Variants in AGPAT5 observed in about 807,000 individuals in gnomAD.
The protein encoded by AGPAT5 is 1-acylglycerol-3-phosphate O-acyltransferase 5.
Under a neutral mutation model 45.6 loss-of-function variants are expected in AGPAT5, and 46 were observed. The observed-to-expected ratio is 1.01, with a 90% CI of 0.80 to 1.29. AGPAT5 has a LOEUF of 1.29. Ranked by LOEUF, AGPAT5 falls within the 50% of genes most tolerant of loss-of-function variation. AGPAT5 has a pLI of 0.00. For missense variants in AGPAT5, 673 were observed against 450.7 expected, an observed-to-expected ratio of 1.49 and a Z score of -4.47; for synonymous variants, 272 against 167.0, an observed-to-expected ratio of 1.63 and a Z score of -4.85.
chr8:6,744,400 A>G (rs1291905275), intron 5 of AGPAT5, among the ~76,000 whole-genome samples: 2 of 152,234 alleles, frequency 1.3e-5, no homozygotes, highest in African/African-American at 4.8e-5. Flanking sequence ...AGGCAGGGCC[A>G]CAAACTTGGT....
At chr8:6,748,341 C>T (rs370827094) in intron 6 of AGPAT5, among the ~76,000 whole-genome samples, 1 of 151,918 alleles carries the variant, frequency 6.6e-6, no homozygotes, top group African/African-American at 2.4e-5. Flanking sequence ...TTTAAGTGAG[C>T]AGGATAACTT....
chr8:6,722,449 C>G (rs79033653), intron 1 of AGPAT5, among the ~76,000 whole-genome samples: 20 of 152,174 alleles, frequency 1.3e-4, no homozygotes, highest in African/African-American at 4.6e-4. Flanking sequence ...GACAAATGGA[C>G]ATGATTGAGA....
At chr8:6,731,465 A>G (rs1210142890) in intron 3 of AGPAT5, among the ~76,000 whole-genome samples, 7 of 152,154 alleles carry the variant, frequency 4.6e-5, no homozygotes, top group African/African-American at 1.7e-4. Flanking sequence ...TATCTAATAC[A>G]TTATAAATGC....
At chr8:6,710,261 C>T (rs1042280438) in intron 1 of AGPAT5, among the ~76,000 whole-genome samples, 17 of 152,146 alleles carry the variant, frequency 1.1e-4, no homozygotes, top group African/African-American at 2.2e-4. Context: ...TAAAACCTAG[C>T]AGTGTTTCTG....
At position 6,757,530 on chromosome 8, in the gene AGPAT5, C is replaced by T. The variant is rs913426759; in HGVS notation, c.*142C>T. On this transcript the variant is annotated 3_prime_UTR_variant, in exon 8 of 8. Transcript: ENST00000285518. Reference sequence around the variant, plus strand: ...GAAGATTGGATAATAGAATTTGTGACGAAAGCTGATATGCAATGGTCTTGG... The same window carrying T: ...GAAGATTGGATAATAGAATTTGTGATGAAAGCTGATATGCAATGGTCTTGG... 1.2e-4 allele frequency: 84 copies of T among 689,138 alleles called. No individual in the cohort carries two copies. Among genetic ancestry groups the T allele is most frequent in the Non-Finnish European group, 1.8e-4 (76 of 414,132 alleles). The allele number at this position is 689,138 out of a possible 1,614,324, so 42.7% of individuals were successfully genotyped here. A position where few individuals can be genotyped will look rare whatever the true frequency, so the allele number is the denominator to read the frequency against.
Position 6,714,087 on chromosome 8 carries a change from T to TA in AGPAT5, c.219+5200_219+5201insA, listed in dbSNP as rs1240123665. ...CTAGTCTACTCCCTTTTATGACACTTCTACATTCTTTCTGCACTTCTGCCA... is the reference window on the plus strand; with the variant it reads ...CTAGTCTACTCCCTTTTATGACACTTACTACATTCTTTCTGCACTTCTGCCA... On this transcript the variant is annotated intron_variant, in intron 1 of 7. Transcript: ENST00000285518. 3.9e-5 allele frequency among the ~76,000 whole-genome samples: 6 copies of TA among 152,224 alleles called. No individual in the cohort carries two copies. In the East Asian group the frequency reaches 1.2e-3, roughly 29 times the overall value.
chr8:6,720,439 A>C (rs1360884957), intron 1 of AGPAT5, among the ~76,000 whole-genome samples: 1 of 152,162 alleles, frequency 6.6e-6, no homozygotes, highest in Non-Finnish European at 1.5e-5. Flanking sequence ...GTTACCACAC[A>C]CTTGAACAGA....
At chr8:6,742,572 A>G (rs920438743) in intron 5 of AGPAT5, among the ~76,000 whole-genome samples, 12 of 152,234 alleles carry the variant, frequency 7.9e-5, no homozygotes, top group Non-Finnish European at 1.5e-4. Context: ...ACTTTCTGCA[A>G]TAATGGTAAA....
intron 4 of AGPAT5, among the ~76,000 whole-genome samples, chr8:6,733,444 G>A (rs566675487): frequency 2.0e-5 from 3 of 152,314 alleles, no homozygotes; most frequent in Admixed American, 1.3e-4. Context: ...CCTGGTGTGA[G>A]CATTGTTTAT....
chr8:6,729,219 T>C (rs13261768), intron 2 of AGPAT5, among the ~76,000 whole-genome samples: 28,958 of 152,206 alleles, frequency 0.19, 2,966 homozygotes, highest in East Asian at 0.25. Context: ...CTGACTAGTA[T>C]GGTGCATTGT....
rs550684324 is a variant in AGPAT5 at position 6,712,871 on chromosome 8, G to T, written c.219+3984G>T. 2.1e-4 allele frequency among the ~76,000 whole-genome samples: 32 copies of T among 152,086 alleles called. No individual in the cohort carries two copies. In the South Asian group the frequency reaches 6.2e-3, roughly 30 times the overall value. On this transcript the variant is annotated intron_variant, in intron 1 of 7. Coordinates refer to ENST00000285518, the MANE Select transcript of AGPAT5 (RefSeq NM_018361.5). ...AAATGTTAATAGGATGTCTTCAAAT[G>T]TCAGAATTCTTTTTTCTTTGCTTCT...
chr8:6,739,101 T>A (rs1801151894), intron 4 of AGPAT5, among the ~76,000 whole-genome samples: 1 of 152,134 alleles, frequency 6.6e-6, no homozygotes, highest in South Asian at 2.1e-4. Context: ...TATAGATGGG[T>A]CTGTTATCCC....
intron 7 of AGPAT5, 50 bp from the exon 8 acceptor site, chr8:6,757,113 T>C: frequency 7.1e-7 from 1 of 1,417,810 alleles, no homozygotes; most frequent in Non-Finnish European, 9.8e-7. Flanking sequence ...ATTTTTTGAA[T>C]TGAAATACTG....
intron 6 of AGPAT5, among the ~76,000 whole-genome samples, chr8:6,752,919 T>C (rs1213736565): frequency 1.3e-5 from 2 of 152,186 alleles, no homozygotes; most frequent in African/African-American, 4.8e-5. Context: ...CGCATGCTCC[T>C]CTCATTGTCC....
intron 2 of AGPAT5, among the ~76,000 whole-genome samples, chr8:6,730,331 T>TGACTGGA (rs1800820657): frequency 4.5e-5 from 1 of 22,166 alleles, no homozygotes; most frequent in Admixed American, 4.2e-4. Context: ...TTTTTTTTTT[T>TGACTGGA]TTTTTTTTTT....
At position 6,745,768 on chromosome 8, in the gene AGPAT5, C is replaced by T. The variant is rs1315162578; in HGVS notation, c.587-1902C>T. On this transcript the variant is annotated intron_variant, in intron 5 of 7. Coordinates refer to ENST00000285518, the MANE Select transcript of AGPAT5 (RefSeq NM_018361.5). ...GAGTCTGTATTTCTTGCCTTTTCAT[C>T]TTCTGCCCTTTATTATTCTCAGCCA... 5 of 147,906 alleles carry T rather than the reference C, an allele frequency of 3.4e-5. No individual in the cohort carries two copies. In the Admixed American group the frequency reaches 3.4e-4, roughly 10 times the overall value. The allele number at this position is 147,906 out of a possible 1,614,324, so 9.2% of individuals were successfully genotyped here.
chr8:6,732,170 G>C (rs972318043), intron 3 of AGPAT5, among the ~76,000 whole-genome samples: 1 of 61,896 alleles, frequency 1.6e-5, no homozygotes, highest in Non-Finnish European at 2.7e-5. Flanking sequence ...AATCCCTAAA[G>C]ATCGTGAGAC....
intron 1 of AGPAT5, among the ~76,000 whole-genome samples, chr8:6,716,205 C>G (rs1022908350): frequency 1.3e-5 from 2 of 152,154 alleles, no homozygotes; most frequent in African/African-American, 4.8e-5. Flanking sequence ...ACATTGTAAC[C>G]TCTTGGAGAT....
At position 6,755,127 on chromosome 8, in the gene AGPAT5, A is replaced by G; in HGVS notation, c.822A>G (p.Gln274=). The change falls in exon 7 of 8, where the codon CAA becomes CAG. Residue 274 remains glutamine (Q), a synonymous_variant. Transcript: ENST00000285518. ...RIDKKDVPEE[Q]EHMRRWLHER... Reference sequence around the variant, plus strand: ...ACAAAAAAGATGTCCCAGAAGAACAAGAACATATGAGAAGATGGCTGCATG... The same window carrying G: ...ACAAAAAAGATGTCCCAGAAGAACAGGAACATATGAGAAGATGGCTGCATG... 1.9e-6 allele frequency: 3 copies of G among 1,608,924 alleles called. No individual in the cohort carries two copies. The highest frequency in any genetic ancestry group is 1.1e-5 in the South Asian group (1 of 89,254).
Sources: allele counts gnomAD v4.1 joint callset (sites outside exome capture counted in the v4.1 genomes callset), GRCh38; gene constraint gnomAD v4.1.1; transcripts MANE v1.5; gene names NCBI Gene and HGNC (gene_info 2026-07-23, HGNC 2026-07-21).